The following SETD9 variants were observed in gnomAD, a reference collection of about 807,000 sequenced individuals.
The protein encoded by SETD9 is SET domain-containing protein 9.
In SETD9, 37 loss-of-function variants were observed where a neutral mutation model predicts 36.4. The observed-to-expected ratio is 1.02, with a 90% CI of 0.78 to 1.34. The LOEUF (loss-of-function observed/expected upper bound fraction) is 1.34, where lower values mean the gene tolerates loss of function less well. Ranked by LOEUF, SETD9 falls within the 40% of genes most tolerant of loss-of-function variation. The probability of loss-of-function intolerance (pLI) is 0.00; values close to 1 mark genes in which losing one functional copy is unlikely to be tolerated. For missense variants in SETD9, 323 were observed against 353.2 expected (o/e 0.91, Z 0.69); for synonymous variants, 128 against 132.9 (o/e 0.96, Z 0.26).
At chr5:56,922,025 T>C (rs1009746321), downstream of SETD9, 4 of 152,634 alleles carry the variant, frequency 2.6e-5, no homozygotes, top group Non-Finnish European at 1.5e-5. Flanking sequence ...CTATTTCAGA[T>C]AGGAACTCAC....
chr5:56,926,069 CAT>C (rs1371809117), downstream of SETD9, among the ~76,000 whole-genome samples: 1 of 152,010 alleles, frequency 6.6e-6, no homozygotes, highest in African/African-American at 2.4e-5. Flanking sequence ...TGAATCTAGA[CAT>C]AGACCTTACT....
downstream of SETD9, chr5:56,928,499 G>A (rs1750111161): frequency 4.0e-6 from 1 of 249,164 alleles, no homozygotes; most frequent in African/African-American, 2.2e-5. Flanking sequence ...GAAAGTCAAG[G>A]AGAAATGAGA....
intron 1 of SETD9, 147 bp downstream of exon 1, chr5:56,909,890 C>A (rs1373767371): frequency 1.5e-5 from 1 of 68,480 alleles, no homozygotes; most frequent in Non-Finnish European, 2.8e-5. Context: ...GGTGGGCGGG[C>A]CGGGTGGGCG....
chr5:56,922,378 TCTC>T (rs774480491), intron 5 of SETD9: 16 of 152,608 alleles, frequency 1.0e-4, no homozygotes, highest in Admixed American at 6.5e-4. Flanking sequence ...TACACAGAAA[TCTC>T]CTGGCAGTAA....
intron 3 of SETD9, 31 bp downstream of exon 3, chr5:56,913,165 TAGG>T: frequency 6.2e-7 from 1 of 1,610,696 alleles, no homozygotes; most frequent in Middle Eastern, 1.7e-4. Flanking sequence ...AATTTAATTA[TAGG>T]AGACAGAACC....
intron 1 of SETD9, chr5:56,910,072 T>C (rs1749028141): frequency 7.9e-7 from 1 of 1,269,258 alleles, no homozygotes; most frequent in African/African-American, 1.6e-5. Flanking sequence ...GAGGCCGAGC[T>C]CGCCAGCCGG....
intron 5 of SETD9, chr5:56,923,010 G>C: frequency 1.4e-6 from 1 of 725,038 alleles, no homozygotes; most frequent in Non-Finnish European, 2.3e-6. Flanking sequence ...TATACATACT[G>C]ACATCACTGA....
At chr5:56,910,328 G>A (rs543843594) in intron 1 of SETD9, 1 of 1,304,314 alleles carries the variant, frequency 7.7e-7, no homozygotes, top group South Asian at 1.2e-5. Flanking sequence ...GCGTGCAGTA[G>A]CTCGCGCGTT....
rs190417758 is a variant in SETD9 at position 56,910,569 on chromosome 5, C to T, written c.99-600C>T. On this transcript the variant is annotated intron_variant, in intron 1 of 5. Coordinates refer to ENST00000285947, the MANE Select transcript of SETD9 (RefSeq NM_153706.4). ...GATCAGTTGTATCATGACTCGGAAC[C>T]GTGAGGCGGGAATTACAACCTTTTT... is the stretch of plus-strand genomic sequence containing the variant. 6 of 360,124 alleles carry T rather than the reference C, an allele frequency of 1.7e-5. No individual in the cohort carries two copies. The Admixed American group carries it at 2.7e-4, about 16-fold the overall frequency. 22.3% of individuals were successfully genotyped at this position (360,124 alleles called of 1,614,324 possible).
intron 5 of SETD9, 137 bp from the exon 6 acceptor site, chr5:56,916,678 T>C (rs1183563804): frequency 3.9e-6 from 3 of 760,672 alleles, no homozygotes; most frequent in Admixed American, 3.5e-5. Flanking sequence ...AACTATTTCC[T>C]CATGGAAATC....
chr5:56,909,565 C>T (rs1465218997), upstream of SETD9: 9 of 1,164,054 alleles, frequency 7.7e-6, no homozygotes, highest in African/African-American at 1.7e-5. Context: ...GCGCGGCCCC[C>T]TCTCCTCCCG....
Position 56,911,261 on chromosome 5 carries a change from T to G in SETD9, c.191T>G (p.Phe64Cys), listed in dbSNP as rs764837428. ...TTACTGAAAGTTTTCCAGGCTCTAT[T>G]CTTAAATGATTTCAATAAACAATCA... The part of the protein sequence containing the change: ...GTLLKVFQAL[F>C]LNDFNKQSEI... Residue 64 changes from phenylalanine to cysteine, a missense_variant, in exon 2 of 6, where the codon TTC becomes TGC. Coordinates refer to ENST00000285947, the MANE Select transcript of SETD9 (RefSeq NM_153706.4). 6.2e-7 allele frequency: 1 copy of G among 1,610,042 alleles called. No individual in the cohort carries two copies.
intron 4 of SETD9, among the ~76,000 whole-genome samples, 193 bp downstream of exon 4, chr5:56,914,182 GTTTAA>G (rs1263688086): frequency 2.6e-5 from 4 of 152,134 alleles, no homozygotes; most frequent in Non-Finnish European, 5.9e-5. Context: ...ATTTAGAATT[GTTTAA>G]TTTACTATTT....
At chr5:56,914,244 G>A (rs1270345567) in intron 4 of SETD9, among the ~76,000 whole-genome samples, 1 of 152,034 alleles carries the variant, frequency 6.6e-6, no homozygotes, top group South Asian at 2.1e-4. Flanking sequence ...ACTCCCCTTT[G>A]ATCATTATTA....
chr5:56,917,458 G>A, downstream of SETD9: 1 of 472,194 alleles, frequency 2.1e-6, no homozygotes, highest in Non-Finnish European at 2.8e-6. Context: ...CCAAAGAAAA[G>A]GTGGAAAAAA....
chr5:56,919,325 T>C (rs832533), downstream of SETD9, among the ~76,000 whole-genome samples: 74,815 of 151,724 alleles, frequency 0.49, 20,937 homozygotes, highest in Non-Finnish European at 0.64. Flanking sequence ...GGGGTTTCAC[T>C]ATGTTGGTCA....
intron 5 of SETD9, among the ~76,000 whole-genome samples, chr5:56,916,042 C>T (rs1046858656): frequency 7.9e-5 from 12 of 152,090 alleles, no homozygotes; most frequent in African/African-American, 2.7e-4. Flanking sequence ...TAACTATTAG[C>T]TTTTCTTAGC....
chr5:56,920,461 AAAAG>A (rs1749618495), downstream of SETD9: 1 of 152,576 alleles, frequency 6.6e-6, no homozygotes, highest in African/African-American at 2.4e-5. Flanking sequence ...AAAAAAAACA[AAAAG>A]AATTTATCAC....
downstream of SETD9, among the ~76,000 whole-genome samples, chr5:56,917,921 C>G (rs1388541998): frequency 1.3e-5 from 2 of 152,192 alleles, no homozygotes; most frequent in Non-Finnish European, 2.9e-5. Flanking sequence ...ATTCATGGAA[C>G]CTATATGACC....
Sources: allele counts gnomAD v4.1 joint callset (sites outside exome capture counted in the v4.1 genomes callset), GRCh38; gene constraint gnomAD v4.1.1; transcripts MANE v1.5; gene names NCBI Gene and HGNC (gene_info 2026-07-23, HGNC 2026-07-21).